CTNNA2: variants seen among roughly 807,000 people sequenced by gnomAD.
CTNNA2 encodes the protein catenin alpha-2.
CTNNA2 carries 42 observed loss-of-function variants against 101.0 expected under a neutral mutation model. The ratio of observed to expected loss-of-function variants is 0.42; its 90% CI spans 0.32 to 0.54. The LOEUF is 0.54. Among genes scored for constraint, CTNNA2 ranks in the 20% least tolerant of loss-of-function variants. The pLI is 0.14. For missense variants in CTNNA2, 871 were observed against 1,223.1 expected (o/e 0.71, Z 4.29); for synonymous variants, 450 against 456.4 (o/e 0.99, Z 0.18).
intron 3 of CTNNA2, among the ~76,000 whole-genome samples, chr2:79,818,658 C>T (rs902821359): frequency 6.6e-6 from 1 of 151,692 alleles, no homozygotes; most frequent in Admixed American, 6.6e-5. Flanking sequence ...TCAGGTAGCA[C>T]TGACAACTCC....
intron 7 of CTNNA2, among the ~76,000 whole-genome samples, chr2:80,084,758 C>G (rs1383267993): frequency 6.6e-6 from 1 of 151,924 alleles, no homozygotes; most frequent in East Asian, 1.9e-4. Flanking sequence ...TCCTGAGGCA[C>G]TTATGTAAAT....
chr2:79,501,185 C>T (rs1409252852), intron 4 of CTNNA2, among the ~76,000 whole-genome samples: 2 of 152,058 alleles, frequency 1.3e-5, no homozygotes, highest in African/African-American at 2.4e-5. Flanking sequence ...ACCTTATTAC[C>T]CATGGAAAAT....
At chr2:79,252,226 A>C (rs867558757) in intron 2 of CTNNA2, among the ~76,000 whole-genome samples, 5 of 152,172 alleles carry the variant, frequency 3.3e-5, no homozygotes, top group Admixed American at 3.3e-4. Flanking sequence ...GTTTACAAAA[A>C]AGACTGCTTG....
At chr2:79,727,269 G>T (rs13010542) in intron 2 of CTNNA2, among the ~76,000 whole-genome samples, 52,269 of 151,962 alleles carry the variant, frequency 0.34, 10,225 homozygotes, top group African/African-American at 0.55. Context: ...AAAAACACAT[G>T]AAAACCAAAG....
At chr2:79,684,226 A>G (rs1683778902) in intron 2 of CTNNA2, among the ~76,000 whole-genome samples, 2 of 152,208 alleles carry the variant, frequency 1.3e-5, no homozygotes, top group Non-Finnish European at 2.9e-5. Context: ...TGTAACCAAA[A>G]TAAAAGTTCA....
intron 7 of CTNNA2, among the ~76,000 whole-genome samples, chr2:79,969,474 G>T (rs1385374933): frequency 6.6e-6 from 1 of 152,186 alleles, no homozygotes; most frequent in African/African-American, 2.4e-5. Context: ...CAATAACGCG[G>T]TTAAAAGAAA....
intron 2 of CTNNA2, among the ~76,000 whole-genome samples, chr2:79,233,571 T>C (rs1001257192): frequency 1.3e-5 from 2 of 152,168 alleles, no homozygotes; most frequent in African/African-American, 4.8e-5. Context: ...TTAGGTCCAA[T>C]TGGTCAAGTG....
chr2:80,020,330 G>A (rs1433941088), intron 7 of CTNNA2, among the ~76,000 whole-genome samples: 1 of 152,144 alleles, frequency 6.6e-6, no homozygotes, highest in Non-Finnish European at 1.5e-5. Flanking sequence ...GAGGTATCTG[G>A]ATGACTTGTA....
At chr2:80,576,095 A>C (rs1412542167) in intron 13 of CTNNA2, 2 of 152,164 alleles carry the variant, frequency 1.3e-5, no homozygotes, top group Non-Finnish European at 2.9e-5. Context: ...TTTCTTTCCC[A>C]AAACATTTGA....
At chr2:80,316,563 T>G (rs72930804) in intron 7 of CTNNA2, among the ~76,000 whole-genome samples, 2,034 of 152,312 alleles carry the variant, frequency 0.013, 39 homozygotes, top group African/African-American at 0.044. Flanking sequence ...ATGTGCCGGC[T>G]GCTGGTCTCC....
intron 7 of CTNNA2, among the ~76,000 whole-genome samples, chr2:80,268,948 C>A (rs536760764): frequency 5.3e-5 from 8 of 152,274 alleles, no homozygotes; most frequent in Non-Finnish European, 1.2e-4. Context: ...TTTCAAAAAC[C>A]TCTTAAAAGT....
At chr2:79,459,072 T>C (rs915261808) in intron 4 of CTNNA2, among the ~76,000 whole-genome samples, 2 of 152,154 alleles carry the variant, frequency 1.3e-5, no homozygotes, top group South Asian at 2.1e-4. Flanking sequence ...ATTTAAAATA[T>C]GATTACATAT....
chr2:80,604,689 AACT>A (rs1697852131), intron 16 of CTNNA2, among the ~76,000 whole-genome samples: 1 of 151,948 alleles, frequency 6.6e-6, no homozygotes, highest in Non-Finnish European at 1.5e-5. Flanking sequence ...TGCACATTTT[AACT>A]GCCTGACAGA....
intron 18 of CTNNA2, among the ~76,000 whole-genome samples, chr2:80,644,707 A>C (rs1267505720): frequency 6.6e-6 from 1 of 152,128 alleles, no homozygotes; most frequent in Non-Finnish European, 1.5e-5. Context: ...AATTGGGCTT[A>C]TTGTTTGTGG....
intron 18 of CTNNA2, among the ~76,000 whole-genome samples, chr2:80,645,882 G>A (rs971220293): frequency 6.6e-6 from 1 of 152,104 alleles, no homozygotes; most frequent in Non-Finnish European, 1.5e-5. Context: ...AATTCACAAA[G>A]CAATTATATA....
intron 3 of CTNNA2, among the ~76,000 whole-genome samples, chr2:79,323,741 T>A (rs147947797): frequency 1.3e-5 from 2 of 152,304 alleles, no homozygotes; most frequent in African/African-American, 4.8e-5. Flanking sequence ...CTGATGATGT[T>A]CCTGGGAAAG....
chr2:79,660,641 G>A (rs1031774599), intron 2 of CTNNA2, among the ~76,000 whole-genome samples: 4 of 152,080 alleles, frequency 2.6e-5, no homozygotes, highest in Non-Finnish European at 5.9e-5. Flanking sequence ...AGTAGTTAGT[G>A]TGTTTCCACT....
At chr2:79,307,584 A>G (rs1573060555) in intron 2 of CTNNA2, among the ~76,000 whole-genome samples, 2 of 152,140 alleles carry the variant, frequency 1.3e-5, no homozygotes, top group Admixed American at 6.6e-5. Flanking sequence ...ATAGTATTCT[A>G]TTGTGTATAT....
intron 7 of CTNNA2, among the ~76,000 whole-genome samples, chr2:79,939,493 C>A (rs950456422): frequency 2.6e-5 from 4 of 151,996 alleles, no homozygotes; most frequent in African/African-American, 9.7e-5. Flanking sequence ...ATTTAGAGAT[C>A]TTTTGTTAAA....
Sources: allele counts gnomAD v4.1 joint callset (sites outside exome capture counted in the v4.1 genomes callset), GRCh38; gene constraint gnomAD v4.1.1; transcripts MANE v1.5; gene names NCBI Gene and HGNC (gene_info 2026-07-23, HGNC 2026-07-21).